Variants in TRPM3 observed in about 807,000 individuals in gnomAD.
TRPM3 encodes the protein transient receptor potential cation channel subfamily M member 3.
In TRPM3, 77 loss-of-function variants were observed where a neutral mutation model predicts 181.2. The ratio of observed to expected loss-of-function variants is 0.42; its 90% CI spans 0.35 to 0.51. The LOEUF (loss-of-function observed/expected upper bound fraction) is 0.51, where lower values mean the gene tolerates loss of function less well. TRPM3 is among the 20% of genes least tolerant of loss of function. TRPM3 has a pLI of 0.01. For missense variants in TRPM3, 1,759 were observed against 2,196.7 expected (o/e 0.80, Z 3.98); for synonymous variants, 745 against 796.4 (o/e 0.94, Z 1.09).
In TRPM3 at chr9:71,106,447, C is replaced by T. The variant is rs953049624; in HGVS notation, c.177+14731G>A. On this transcript the variant is annotated intron_variant, in intron 1 of 25. Transcript: ENST00000677713. ...TTAAATATCCTGGCACCTCCTCCCT[C>T]ACTTTCTTGCTCCCTCTCTTTCCTT... is the stretch of plus-strand genomic sequence containing the variant. Among the ~76,000 whole-genome samples, 7 of 152,092 alleles carry T rather than the reference C, an allele frequency of 4.6e-5. No individual in the cohort carries two copies. The East Asian group carries it at 1.4e-3, about 29-fold the overall frequency.
chr9:71,075,858 G>C (rs1027652897), intron 1 of TRPM3, among the ~76,000 whole-genome samples: 1 of 152,178 alleles, frequency 6.6e-6, no homozygotes, highest in African/African-American at 2.4e-5. Context: ...TCAACGGAGT[G>C]CATTAAGAGT....
At chr9:71,155,648 C>T (rs939722933) in intron 1 of TRPM3, among the ~76,000 whole-genome samples, 3 of 151,964 alleles carry the variant, frequency 2.0e-5, no homozygotes, top group East Asian at 1.9e-4. Flanking sequence ...AGCCACTGTG[C>T]CTGGCACAAA....
intron 1 of TRPM3, among the ~76,000 whole-genome samples, chr9:70,927,821 G>C (rs1254897008): frequency 6.6e-6 from 1 of 152,098 alleles, no homozygotes; most frequent in Non-Finnish European, 1.5e-5. Flanking sequence ...TTTAAATGTT[G>C]TCCATTCTCC....
intron 1 of TRPM3, among the ~76,000 whole-genome samples, chr9:71,064,660 C>A (rs552755722): frequency 5.5e-4 from 83 of 152,056 alleles, no homozygotes; most frequent in Non-Finnish European, 1.0e-3. Flanking sequence ...GGAGGAAAAG[C>A]ATGTAAAGGT....
chr9:71,265,976 T>C (rs1474376875), intron 1 of TRPM3, among the ~76,000 whole-genome samples: 1 of 152,214 alleles, frequency 6.6e-6, no homozygotes, highest in Non-Finnish European at 1.5e-5. Context: ...CCACTGAGTG[T>C]CAACTAGTTT....
At chr9:71,178,009 A>C (rs748204627) in intron 1 of TRPM3, among the ~76,000 whole-genome samples, 2 of 151,868 alleles carry the variant, frequency 1.3e-5, no homozygotes, top group Non-Finnish European at 1.5e-5. Flanking sequence ...TACGATCTTA[A>C]ACTGAGTACA....
chr9:70,864,436 G>A lies in TRPM3; in HGVS notation c.253C>T (p.His85Tyr). The change falls in exon 2 of 26, where the codon CAT (histidine) becomes TAT (tyrosine). Residue 85 changes from histidine to tyrosine, a missense_variant. Physicochemically the swap from His to Tyr is moderately conservative, Grantham distance 83 (BLOSUM62 2). This residue lies in a region of TRPM3 where 737 missense variants were observed against 957.4 expected (regional missense o/e 0.77). Coordinates refer to ENST00000677713, the MANE Select transcript of TRPM3 (RefSeq NM_001366145.2). ...VHIIPSTKDP[H>Y]RCCCGRLIGQ... The stretch of plus-strand genomic sequence containing the variant: ...CATTATAGACAGCAAGATTACCTAT[G>A]GGGGTCTTTGGTGCTGGGTATGATG... The A allele has an allele frequency of 2.0e-6, 3 of 1,482,494 alleles. No homozygotes were observed. Among genetic ancestry groups the A allele is most frequent in the Non-Finnish European group, 2.7e-6 (3 of 1,122,668 alleles). The allele number at this position is 1,482,494 out of a possible 1,614,324, so 91.8% of individuals were successfully genotyped here.
At chr9:70,669,540 C>A (rs2062507662) in intron 9 of TRPM3, among the ~76,000 whole-genome samples, 1 of 152,142 alleles carries the variant, frequency 6.6e-6, no homozygotes, top group African/African-American at 2.4e-5. Context: ...AAACCACTCT[C>A]TCCTGTGAAA....
intron 1 of TRPM3, among the ~76,000 whole-genome samples, chr9:71,424,615 T>A (rs1447843073): frequency 6.6e-6 from 1 of 152,146 alleles, no homozygotes. Context: ...TTGTGTATAA[T>A]TTTATTTTAT....
chr9:70,926,964 A>C (rs2096727173), intron 1 of TRPM3, among the ~76,000 whole-genome samples: 1 of 152,206 alleles, frequency 6.6e-6, no homozygotes, highest in African/African-American at 2.4e-5. Flanking sequence ...AGAAATTTCT[A>C]GTTTAAAGGT....
rs76935038 is a variant in TRPM3, at chr9:71,039,044, T to C, written c.177+82134A>G. On this transcript the variant is annotated intron_variant, in intron 1 of 25. Coordinates refer to ENST00000677713, the MANE Select transcript of TRPM3 (RefSeq NM_001366145.2). ...AAAACAAAAAACAAATAGAGGGAAA[T>C]GTATCATGTATCTTGCTAAGACAAT... Among the ~76,000 whole-genome samples the C allele has an allele frequency of 4.9e-3, 753 of 152,158 alleles. 18 individuals carry two copies. The East Asian group carries it at 0.077, about 16-fold the overall frequency.
intron 1 of TRPM3, among the ~76,000 whole-genome samples, chr9:71,341,416 A>G (rs1350167570): frequency 6.6e-6 from 1 of 152,156 alleles, no homozygotes; most frequent in Non-Finnish European, 1.5e-5. Context: ...CTGGTATGAT[A>G]CACTGAGAAG....
At chr9:71,154,523 T>C (rs1184846839) in intron 1 of TRPM3, among the ~76,000 whole-genome samples, 2 of 152,084 alleles carry the variant, frequency 1.3e-5, no homozygotes, top group Non-Finnish European at 2.9e-5. Flanking sequence ...TCAAAATATA[T>C]TTGGGTAGAC....
At chr9:70,602,048 G>T (rs1002968999) in intron 20 of TRPM3, among the ~76,000 whole-genome samples, 1 of 151,152 alleles carries the variant, frequency 6.6e-6, no homozygotes, top group Admixed American at 6.6e-5. Context: ...AGAAGAAAAG[G>T]CACCATGAAT....
intron 1 of TRPM3, among the ~76,000 whole-genome samples, chr9:71,317,508 G>A (rs1300355633): frequency 6.6e-6 from 1 of 151,996 alleles, no homozygotes; most frequent in African/African-American, 2.4e-5. Context: ...AGGTATGCTG[G>A]TGTATGCCTA....
chr9:71,207,749 A>C (rs901078443), intron 1 of TRPM3, among the ~76,000 whole-genome samples: 1 of 152,182 alleles, frequency 6.6e-6, no homozygotes, highest in African/African-American at 2.4e-5. Context: ...ATATAAAACC[A>C]GTTGGTCTTT....
chr9:71,019,213 T>C (rs552549174), intron 1 of TRPM3, among the ~76,000 whole-genome samples: 16 of 152,036 alleles, frequency 1.1e-4, no homozygotes, highest in African/African-American at 3.9e-4. Context: ...AAGATAGAGA[T>C]GCTTGTTATC....
Position 70,591,039 on chromosome 9 carries a change from T to C in TRPM3, c.3215A>G (p.Gln1072Arg). 1 of 1,614,212 alleles carries C rather than the reference T, an allele frequency of 6.2e-7. No homozygotes were observed. Among genetic ancestry groups the C allele is most frequent in the Non-Finnish European group, 8.5e-7 (1 of 1,180,038 alleles). The change falls in exon 22 of 26, where the codon CAG (glutamine) becomes CGG (arginine). Residue 1072 changes from glutamine (Q) to arginine (R), a missense_variant. Around this residue, in one of 8 missense-constraint regions of TRPM3, gnomAD observed 94 missense variants for 221.3 expected, o/e 0.42. Transcript: ENST00000677713. ...ATCATAAACTTGCTTACGGTCTATC[T>C]GGTCCGCAAACACTTCCCCATAAAT... Reference protein sequence around the residue: ...WMIYGEVFADQIDPPCGQNET... With the variant: ...WMIYGEVFADRIDPPCGQNET...
chr9:70,820,251 G>C (rs2093049295), intron 6 of TRPM3, among the ~76,000 whole-genome samples: 1 of 152,128 alleles, frequency 6.6e-6, no homozygotes, highest in African/African-American at 2.4e-5. Flanking sequence ...AATAATAGAG[G>C]CATAATGATA....
Sources: gnomAD v4.1 joint callset for allele counts (sites outside exome capture counted in the v4.1 genomes callset) on GRCh38, gnomAD v4.1.1 for gene constraint, gnomAD v4.1.1 regional missense constraint, MANE v1.5 for transcripts, NCBI Gene and HGNC (gene_info 2026-07-23, HGNC 2026-07-21) for gene names.